Variants in TPM4 observed in about 807,000 individuals in gnomAD.
The protein encoded by TPM4 is tropomyosin alpha-4 chain.
A neutral mutation model predicts 35.8 loss-of-function variants in TPM4; 17 were observed. The observed-to-expected ratio is 0.47, with a 90% CI of 0.32 to 0.71. TPM4 has a LOEUF of 0.71. TPM4 is among the 30% of genes least tolerant of loss of function. TPM4 has a pLI of 0.03. For missense variants in TPM4, 240 were observed against 320.9 expected, an observed-to-expected ratio of 0.75 and a Z score of 1.93; for synonymous variants, 120 against 122.9, an observed-to-expected ratio of 0.98 and a Z score of 0.15.
chr19:16,084,625 G>A (rs545024114), intron 2 of TPM4, among the ~76,000 whole-genome samples: 12 of 152,334 alleles, frequency 7.9e-5, no homozygotes, highest in African/African-American at 2.9e-4. Flanking sequence ...TGTCTCAGTA[G>A]AAAGAATTAT....
At chr19:16,078,059 C>G in intron 1 of TPM4, 1 of 398,138 alleles carries the variant, frequency 2.5e-6, no homozygotes, top group Non-Finnish European at 4.4e-6. Context: ...AAGCGTGAGC[C>G]ACGGCGCCCA....
chr19:16,077,965 G>T, intron 1 of TPM4: 1 of 380,978 alleles, frequency 2.6e-6, no homozygotes. Flanking sequence ...AGTAGAGACA[G>T]TGTCTCACCA....
chr19:16,096,936 CTTTTTTTTTTTTTTTTT>C (rs71178641), intron 7 of TPM4, among the ~76,000 whole-genome samples: 855 of 69,078 alleles, frequency 0.012, 15 homozygotes, highest in African/African-American at 0.044. Flanking sequence ...CAAGGTCACT[CTTTTTTTTTTTTTTTTT>C]TTTTTTTTTT....
chr19:16,081,858 C>CGGAG (rs1241094031), intron 1 of TPM4, 55 bp from the exon 2 acceptor site: 1 of 1,516,160 alleles, frequency 6.6e-7, no homozygotes, highest in Admixed American at 1.8e-5. Flanking sequence ...GGGGAGGCTC[C>CGGAG]CACTGGTGGC....
intron 3 of TPM4, 82 bp downstream of exon 3, chr19:16,086,622 C>T (rs11666147): frequency 0.064 from 73,848 of 1,160,210 alleles, 2,675 homozygotes; most frequent in Middle Eastern, 0.12. Flanking sequence ...CCGGGGCCAA[C>T]GAAAGGAAGC....
chr19:16,079,516 G>A (rs2090455221), intron 1 of TPM4, among the ~76,000 whole-genome samples: 1 of 152,170 alleles, frequency 6.6e-6, no homozygotes, highest in Non-Finnish European at 1.5e-5. Context: ...ACAATTCTCT[G>A]CATTTGGTGT....
At chr19:16,079,753 G>A (rs570188706) in intron 1 of TPM4, 2 of 180,906 alleles carry the variant, frequency 1.1e-5, no homozygotes, top group East Asian at 1.8e-4. Flanking sequence ...AGGCTGGAGT[G>A]CAGTGGCGCG....
chr19:16,092,622 A>G (rs2090642247), intron 5 of TPM4, among the ~76,000 whole-genome samples: 1 of 149,584 alleles, frequency 6.7e-6, no homozygotes, highest in African/African-American at 2.5e-5. Flanking sequence ...TACAGCCTCC[A>G]CCTCCTGGGT....
chr19:16,076,498 C>T lies in TPM4; in HGVS notation c.-68C>T. On this transcript the variant is annotated 5_prime_UTR_variant, in exon 1 of 8. Coordinates refer to ENST00000643579, the MANE Select transcript of TPM4 (RefSeq NM_003290.3). Reference sequence around the variant, plus strand: ...CTTGGGGGGCCGGGGCGCGGCTGTGCAGCTCTCGCCGGAGCCGAGCCCAGC... The same window carrying T: ...CTTGGGGGGCCGGGGCGCGGCTGTGTAGCTCTCGCCGGAGCCGAGCCCAGC... 3 of 1,348,906 alleles carry T rather than the reference C, an allele frequency of 2.2e-6. No homozygotes were observed. The highest frequency in any genetic ancestry group is 1.5e-5 in the African/African-American group (1 of 64,800). 83.6% of individuals were successfully genotyped at this position (1,348,906 alleles called of 1,614,324 possible).
chr19:16,096,970 T>TTTTTC (rs2090707896), intron 7 of TPM4, among the ~76,000 whole-genome samples: 1 of 106,370 alleles, frequency 9.4e-6, no homozygotes, highest in Non-Finnish European at 1.9e-5. Context: ...TTTTTTTTTT[T>TTTTTC]CAAGACAGGG....
At chr19:16,080,045 A>G (rs531183656) in intron 1 of TPM4, 1 of 185,646 alleles carries the variant, frequency 5.4e-6, no homozygotes, top group Non-Finnish European at 1.1e-5. Flanking sequence ...GGGATTCTTC[A>G]TTTGTTCTGA....
intron 7 of TPM4, chr19:16,095,257 C>T (rs1281183718): frequency 9.8e-7 from 1 of 1,021,342 alleles, no homozygotes; most frequent in Non-Finnish European, 1.2e-6. Context: ...GGACCTCCGC[C>T]CTCTAGATGA....
intron 3 of TPM4, among the ~76,000 whole-genome samples, chr19:16,087,699 G>A (rs371162217): frequency 3.3e-5 from 5 of 152,060 alleles, no homozygotes; most frequent in East Asian, 1.9e-4. Context: ...TGGCCACTAC[G>A]GTGAAACCCC....
chr19:16,095,326 AACG>A, intron 7 of TPM4: 1 of 1,039,508 alleles, frequency 9.6e-7, no homozygotes, highest in Non-Finnish European at 1.2e-6. Flanking sequence ...CCACGCTCTC[AACG>A]ACATGACCTC....
chr19:16,069,455 T>TGG (rs1166324216), intron 2 of TPM4, among the ~76,000 whole-genome samples: 1 of 8,776 alleles, frequency 1.1e-4, no homozygotes, highest in African/African-American at 2.9e-4. Flanking sequence ...GTGTTTCTAT[T>TGG]GGTGTGTGAA....
In TPM4 at chr19:16,102,980, CAAAT is replaced by C. The variant is rs1211910096; in HGVS notation, c.*1639_*1642del. On this transcript the variant is annotated 3_prime_UTR_variant, in exon 8 of 8. Transcript: ENST00000643579. The stretch of plus-strand genomic sequence containing the variant: ...AGTATCACTTTTTCTACATTTTGGT[CAAAT>C]AAATTTTTACATAAACTACAATTTG... The C allele has an allele frequency of 9.9e-6, 2 of 202,560 alleles. No individual in the cohort carries two copies. The highest frequency in any genetic ancestry group is 2.3e-5 in the African/African-American group (1 of 43,546). 12.5% of individuals were successfully genotyped at this position (202,560 alleles called of 1,614,324 possible).
rs947781592 is a variant in TPM4, at chr19:16,077,464, C to G, written c.132+767C>G. On this transcript the variant is annotated intron_variant, in intron 1 of 7. Coordinates refer to ENST00000643579, the MANE Select transcript of TPM4 (RefSeq NM_003290.3). ...CGCCTCCGCCGCGAGTCGCAGGGCCCGAGATAAACAATGGGTCTGAAAAAG... is the reference window on the plus strand; with the variant it reads ...CGCCTCCGCCGCGAGTCGCAGGGCCGGAGATAAACAATGGGTCTGAAAAAG... 5.9e-5 allele frequency: 9 copies of G among 152,182 alleles called. 2 individuals are homozygous for G. The South Asian group carries it at 1.0e-3, about 17-fold the overall frequency. The allele number at this position is 152,182 out of a possible 1,614,324, so 9.4% of individuals were successfully genotyped here. A position where few individuals can be genotyped will look rare whatever the true frequency, so the allele number is the denominator to read the frequency against.
intron 3 of TPM4, among the ~76,000 whole-genome samples, chr19:16,087,249 TC>T (rs1195470440): frequency 1.3e-5 from 2 of 152,094 alleles, no homozygotes; most frequent in Non-Finnish European, 2.9e-5. Flanking sequence ...GCCACTGCAC[TC>T]CAGCCTTGGA....
At position 16,070,752 on chromosome 19, in the gene TPM4, G is replaced by GC. The variant is rs910057236; in HGVS notation, c.114+3020dup. Among the ~76,000 whole-genome samples, 3 of 149,528 alleles carry GC rather than the reference G, an allele frequency of 2.0e-5. No homozygotes were observed. The highest frequency in any genetic ancestry group is 7.4e-5 in the African/African-American group (3 of 40,416). ...CCTACTTCCCCTTTGGGCCTCCCCA[G>GC]CCCCCCGTGCCCCAGGGCTGCCCTA... On this transcript the variant is annotated intron_variant, in intron 2 of 2. Transcript: ENST00000589897. This position sits in a 1 kb window ranked among gnomAD's most constrained non-coding sequence, Gnocchi z 7.4.
Sources: gnomAD v4.1 joint callset for allele counts (sites outside exome capture counted in the v4.1 genomes callset) on GRCh38, gnomAD v4.1.1 for gene constraint, Gnocchi (gnomAD v3.1) non-coding constraint, MANE v1.5 for transcripts, NCBI Gene and HGNC (gene_info 2026-07-23, HGNC 2026-07-21) for gene names.